The following TEX11 variants were observed in gnomAD, a reference collection of about 807,000 sequenced individuals.
TEX11 encodes testis expressed 11, also known as testis-expressed protein 11.
TEX11 carries 7 observed loss-of-function variants against 84.4 expected under a neutral mutation model. The ratio of observed to expected loss-of-function variants is 0.08; its 90% CI spans 0.05 to 0.16. The LOEUF (loss-of-function observed/expected upper bound fraction) is 0.16, where lower values mean the gene tolerates loss of function less well. TEX11 is among the 10% of genes least tolerant of loss of function. The pLI is 1.00. For missense variants in TEX11, 551 were observed against 660.5 expected (o/e 0.83, Z 1.82); for synonymous variants, 264 against 222.8 (o/e 1.18, Z -1.64).
intron 11 of TEX11, among the ~76,000 whole-genome samples, chrX:70,736,220 A>C (rs183393222): frequency 9.0e-6 from 1 of 111,228 alleles, no homozygotes; most frequent in Non-Finnish European, 1.9e-5. Context: ...GCACTAATAC[A>C]TTTTCAAAGG....
At chrX:70,751,679 C>T (rs1486718119) in intron 9 of TEX11, among the ~76,000 whole-genome samples, 1 of 111,347 alleles carries the variant, frequency 9.0e-6, no homozygotes, top group African/African-American at 3.3e-5. Flanking sequence ...AATCTTATAT[C>T]TAGAAAAGCT....
chrX:70,840,633 T>C (rs1836584662), intron 7 of TEX11, among the ~76,000 whole-genome samples: 1 of 110,878 alleles, frequency 9.0e-6, no homozygotes, highest in South Asian at 3.9e-4. Context: ...ATAACAATAT[T>C]AACCTTAAAT....
At chrX:70,619,712 A>T (rs1170380688) in intron 20 of TEX11, among the ~76,000 whole-genome samples, 1 of 112,127 alleles carries the variant, frequency 8.9e-6, no homozygotes, top group Non-Finnish European at 1.9e-5. Flanking sequence ...AAGCCTGGAA[A>T]CCTCAGTAGC....
At chrX:70,648,848 T>C (rs1382454000) in intron 17 of TEX11, among the ~76,000 whole-genome samples, 1 of 110,321 alleles carries the variant, frequency 9.1e-6, no homozygotes, top group African/African-American at 3.3e-5. Flanking sequence ...CATTAGCTAT[T>C]TGTCCTGATG....
intron 25 of TEX11, among the ~76,000 whole-genome samples, chrX:70,580,245 T>C (rs2088753425): frequency 8.9e-6 from 1 of 112,092 alleles, no homozygotes; most frequent in South Asian, 3.7e-4. Context: ...TTGTGGAAGC[T>C]AAAAATTAAG....
At chrX:70,601,423 G>A (rs372214299) in intron 24 of TEX11, among the ~76,000 whole-genome samples, 1 of 95,519 alleles carries the variant, frequency 1.0e-5, no homozygotes, top group Non-Finnish European at 2.1e-5. Flanking sequence ...ATTCACAGCC[G>A]AATTCTACCA....
chrX:70,736,457 T>C (rs893423727), intron 11 of TEX11, among the ~76,000 whole-genome samples: 1 of 109,665 alleles, frequency 9.1e-6, no homozygotes, highest in African/African-American at 3.3e-5. Context: ...AAGTGAACCA[T>C]ATGGAGGTGG....
intron 2 of TEX11, chrX:70,897,664 GA>G (rs2091777993): frequency 1.5e-5 from 1 of 66,997 alleles, no homozygotes; most frequent in Non-Finnish European, 2.8e-5. Flanking sequence ...AGGAAGGAAG[GA>G]AAACAAAGAA....
chrX:70,681,566 T>A (rs73220884), intron 14 of TEX11, among the ~76,000 whole-genome samples: 12,647 of 111,864 alleles, frequency 0.11, 606 homozygotes, highest in Middle Eastern at 0.19. Flanking sequence ...ACTATTTTAT[T>A]TTATTGTACT....
At chrX:70,678,544 TA>T (rs2090095535) in intron 15 of TEX11, among the ~76,000 whole-genome samples, 1 of 110,569 alleles carries the variant, frequency 9.0e-6, no homozygotes, top group Non-Finnish European at 1.9e-5. Context: ...TTAAAAAAAT[TA>T]CATTCTTATA....
chrX:70,567,976 C>T (rs1023641403), intron 25 of TEX11, among the ~76,000 whole-genome samples: 1 of 111,083 alleles, frequency 9.0e-6, no homozygotes, highest in African/African-American at 3.3e-5. Context: ...CTTTCTGTCT[C>T]GTTGAACTGT....
chrX:70,666,706 C>T (rs1162176124), intron 16 of TEX11, among the ~76,000 whole-genome samples: 1 of 111,786 alleles, frequency 8.9e-6, no homozygotes, highest in Non-Finnish European at 1.9e-5. Flanking sequence ...CAGACTAAGA[C>T]ACCACTACTT....
chrX:70,719,123 A>G (rs1412636575), intron 13 of TEX11, among the ~76,000 whole-genome samples: 2 of 112,259 alleles, frequency 1.8e-5, no homozygotes, highest in Admixed American at 9.5e-5. Context: ...ATCCAAAAAA[A>G]GCAATAATCT....
At chrX:70,629,825 C>A in intron 17 of TEX11, 90 bp from the exon 18 acceptor site, 1 of 693,960 alleles carries the variant, frequency 1.4e-6, no homozygotes, top group Non-Finnish European at 2.0e-6. Flanking sequence ...GAATTTGGAA[C>A]TTATTTTAAG....
In TEX11 at chrX:70,553,302, T is replaced by C. The variant is rs1427622680; in HGVS notation, c.2399+4A>G. 2 of 1,159,341 alleles carry C rather than the reference T, an allele frequency of 1.7e-6. No homozygotes were observed. Among genetic ancestry groups the C allele is most frequent in the South Asian group, 3.8e-5 (2 of 52,523 alleles). ...AGCAAAAAGGCTGGATTGTATTTAC[T>C]AACCTGTATTGTGATATATCAATTG... On this transcript the variant is annotated splice_donor_region_variant and intron_variant, in intron 27 of 29. Transcript: ENST00000374333.
At position 70,668,605 on chromosome X, in the gene TEX11, C is replaced by T. The variant is rs754559107; in HGVS notation, c.1380+1772G>A. The stretch of plus-strand genomic sequence containing the variant: ...AAATGATACAGTTACATATTGAGTA[C>T]GCACCATTAAAATACACCTGGTTTA... On this transcript the variant is annotated intron_variant, in intron 16 of 29. Transcript: ENST00000374333. Among the ~76,000 whole-genome samples the T allele has an allele frequency of 3.7e-4, 42 of 112,370 alleles. 1 individual carries two copies. Among genetic ancestry groups the T allele is most frequent in the Non-Finnish European group, 7.1e-4 (38 of 53,270 alleles).
At chrX:70,628,912 G>A (rs2089478632) in intron 18 of TEX11, among the ~76,000 whole-genome samples, 1 of 112,338 alleles carries the variant, frequency 8.9e-6, no homozygotes, top group Admixed American at 9.4e-5. Flanking sequence ...GTTCTGATCA[G>A]GAAGATGGTT....
intron 13 of TEX11, among the ~76,000 whole-genome samples, chrX:70,702,100 T>C (rs751013535): frequency 4.5e-5 from 5 of 111,997 alleles, no homozygotes; most frequent in Non-Finnish European, 9.4e-5. Flanking sequence ...TGGCAGGGTT[T>C]GAGGGAATTG....
At chrX:70,567,066 T>G (rs1296389102) in intron 25 of TEX11, among the ~76,000 whole-genome samples, 16 of 111,433 alleles carry the variant, frequency 1.4e-4, no homozygotes, top group African/African-American at 5.2e-4. Flanking sequence ...CTATTGATTA[T>G]TGCCACAATT....
Sources: gnomAD v4.1 joint callset for allele counts (sites outside exome capture counted in the v4.1 genomes callset) on GRCh38, gnomAD v4.1.1 for gene constraint, MANE v1.5 for transcripts, NCBI Gene and HGNC (gene_info 2026-07-23, HGNC 2026-07-21) for gene names.